The following ZNF469 variants were observed in gnomAD, a reference collection of about 807,000 sequenced individuals.
ZNF469 encodes the protein zinc finger protein 469.
A neutral mutation model predicts 1.0 loss-of-function variants in ZNF469; 1 was observed. The observed-to-expected ratio is 1.00, with a 90% CI of 0.35 to 4.73. The LOEUF is 4.73. Ranked by LOEUF, ZNF469 falls within the 30% of genes most tolerant of loss-of-function variation. The pLI is 0.16. For missense variants in ZNF469, 6,100 were observed against 5,356.3 expected, an observed-to-expected ratio of 1.14 and a Z score of -4.33; for synonymous variants, 2,703 against 2,363.4, an observed-to-expected ratio of 1.14 and a Z score of -4.17.
the ZNF469 span, among the ~76,000 whole-genome samples, chr16:88,289,282 ATGG>A: frequency 1.3e-5 from 2 of 148,572 alleles, no homozygotes; most frequent in African/African-American, 5.1e-5. Context: ...GGTGAGGGTG[ATGG>A]TGATGATGAT....
chr16:88,268,996 G>C, the ZNF469 span, among the ~76,000 whole-genome samples: 2 of 152,102 alleles, frequency 1.3e-5, no homozygotes, highest in African/African-American at 2.4e-5. Context: ...ACGGGCTGCC[G>C]GGAGGAGAGA....
At chr16:88,374,196 C>T in the ZNF469 span, among the ~76,000 whole-genome samples, 576 of 152,248 alleles carry the variant, frequency 3.8e-3, 7 homozygotes, top group African/African-American at 0.013. Context: ...TGTGGCCCAG[C>T]AAGGGAGAGC....
upstream of ZNF469, among the ~76,000 whole-genome samples, chr16:88,381,857 A>G (rs2092526087): frequency 6.6e-6 from 1 of 152,256 alleles, no homozygotes; most frequent in African/African-American, 2.4e-5. Flanking sequence ...CAGGAGGCAG[A>G]CCAGATTGGG....
chr16:88,322,483 T>C, the ZNF469 span, among the ~76,000 whole-genome samples: 1 of 152,164 alleles, frequency 6.6e-6, no homozygotes, highest in African/African-American at 2.4e-5. Flanking sequence ...CCCATGGCAG[T>C]GGGGAGCCAA....
chr16:88,106,658 C>A, the ZNF469 span, among the ~76,000 whole-genome samples: 1 of 152,230 alleles, frequency 6.6e-6, no homozygotes, highest in Non-Finnish European at 1.5e-5. Flanking sequence ...TTTTGCACCA[C>A]GTGAGCCAAG....
chr16:88,106,732 T>C, the ZNF469 span, among the ~76,000 whole-genome samples: 1 of 152,190 alleles, frequency 6.6e-6, no homozygotes. Flanking sequence ...CAGGCTGGGG[T>C]GGGCGTGGAT....
chr16:88,435,836 T>A lies in ZNF469; in HGVS notation c.8366T>A (p.Val2789Asp). ...GCCCACAGCCGATCAGAGGAAGGTGTCTGGGAGGAGAACACGCCCCCCTTG... is the reference window on the plus strand; with the variant it reads ...GCCCACAGCCGATCAGAGGAAGGTGACTGGGAGGAGAACACGCCCCCCTTG... ...SRAHSRSEEG[V>D]WEENTPPLGP... The change falls in exon 3 of 3, where the codon GTC becomes GAC. Residue 2789 changes from valine to aspartate, a missense_variant. Val to Asp is a radical substitution (Grantham distance 152). Coordinates refer to ENST00000565624, the MANE Select transcript of ZNF469 (RefSeq NM_001367624.2). 2 of 1,550,440 alleles carry A rather than the reference T, an allele frequency of 1.3e-6. No individual in the cohort carries two copies. Among genetic ancestry groups the A allele is most frequent in the Non-Finnish European group, 1.7e-6 (2 of 1,146,942 alleles).
rs1470320567 is a variant in ZNF469 at position 88,434,603 on chromosome 16, A to G, written c.7133A>G (p.Glu2378Gly). 6.5e-7 allele frequency: 1 copy of G among 1,550,294 alleles called. No homozygotes were observed. Among genetic ancestry groups the G allele is most frequent in the Non-Finnish European group, 8.7e-7 (1 of 1,146,934 alleles). Residue 2378 changes from glutamate (E) to glycine (G), a missense_variant, in exon 3 of 3, where the codon GAG becomes GGG. By Grantham distance (98) the Glu-to-Gly change is moderately conservative. Transcript: ENST00000565624. ...GEMGTSSKEP[E>G]DPGTPETGRS... The stretch of plus-strand genomic sequence containing the variant: ...ATGGGGACCAGCAGCAAGGAGCCGG[A>G]GGACCCAGGGACCCCTGAGACCGGG...
the ZNF469 span, among the ~76,000 whole-genome samples, chr16:88,212,265 A>C: frequency 3.3e-5 from 5 of 152,276 alleles, no homozygotes; most frequent in South Asian, 1.0e-3. Context: ...GGATCCTTGC[A>C]TAGGTCTTCT....
chr16:88,407,626 T>C (rs772086263), intron 1 of ZNF469, among the ~76,000 whole-genome samples: 23 of 152,216 alleles, frequency 1.5e-4, no homozygotes, highest in Non-Finnish European at 2.9e-4. Context: ...AGGAGAGTCA[T>C]TTGCCCAGAT....
rs1301807412 is a variant in ZNF469 at position 88,435,244 on chromosome 16, C to A, written c.7774C>A (p.Pro2592Thr). Residue 2592 changes from proline (P) to threonine (T), a missense_variant, in exon 3 of 3, where the codon CCC becomes ACC. Coordinates refer to ENST00000565624, the MANE Select transcript of ZNF469 (RefSeq NM_001367624.2). The stretch of plus-strand genomic sequence containing the variant: ...AGATGTGAAGACTCCGGCCTCCAAG[C>A]CCAGACCAGACCAGGCCAGGGAAGA... ...EVDVKTPASK[P>T]RPDQAREDEL... The A allele has an allele frequency of 1.3e-6, 2 of 1,550,242 alleles. No individual in the cohort carries two copies. The highest frequency in any genetic ancestry group is 2.0e-5 in the Admixed American group (1 of 50,980).
the ZNF469 span, among the ~76,000 whole-genome samples, chr16:88,160,005 G>A: frequency 6.6e-6 from 1 of 152,172 alleles, no homozygotes; most frequent in Non-Finnish European, 1.5e-5. Flanking sequence ...GATCACCTCG[G>A]GTAGCTTGTT....
chr16:88,430,561 C>A lies in ZNF469; in HGVS notation c.3091C>A (p.Pro1031Thr), dbSNP rs773036378. 4.1e-6 allele frequency: 6 copies of A among 1,472,468 alleles called. No individual in the cohort carries two copies. In the Admixed American group the frequency reaches 7.1e-5, roughly 17 times the overall value. The allele number at this position is 1,472,468 out of a possible 1,614,324, so 91.2% of individuals were successfully genotyped here. A position where few individuals can be genotyped will look rare whatever the true frequency, so the allele number is the denominator to read the frequency against. The change falls in exon 3 of 3, where the codon CCC (proline) becomes ACC (threonine). Residue 1031 changes from proline (P) to threonine (T), a missense_variant. Transcript: ENST00000565624. ...CCGCAGCTCCCGGCGCCGCCGGCTG[C>A]CCCCCAGGAAGGACCCCAGGAAGAG... ...ETRSSRRRRL[P>T]PRKDPRKRKA...
the ZNF469 span, among the ~76,000 whole-genome samples, chr16:88,275,445 G>A: frequency 2.6e-5 from 4 of 152,186 alleles, no homozygotes; most frequent in African/African-American, 9.6e-5. Context: ...GCTGAGGAAG[G>A]CACCAAGAAT....
At chr16:88,253,310 G>A in the ZNF469 span, among the ~76,000 whole-genome samples, 1 of 152,160 alleles carries the variant, frequency 6.6e-6, no homozygotes. Context: ...GTAACTCCCT[G>A]ACGATCAGTG....
chr16:88,369,174 G>A, the ZNF469 span, among the ~76,000 whole-genome samples: 55 of 151,986 alleles, frequency 3.6e-4, no homozygotes, highest in Admixed American at 7.2e-4. Context: ...TGGTGGCCCT[G>A]CAGGCTTTCC....
rs940316323 is a variant in ZNF469 at position 88,429,364 on chromosome 16, T to C, written c.1894T>C (p.Ser632Pro). 4 of 1,549,478 alleles carry C rather than the reference T, an allele frequency of 2.6e-6. No homozygotes were observed. The highest frequency in any genetic ancestry group is 3.5e-6 in the Non-Finnish European group (4 of 1,146,620). The change falls in exon 3 of 3, where the codon TCG (serine) becomes CCG (proline). Residue 632 changes from serine (S) to proline (P), a missense_variant. Ser to Pro is a moderately conservative substitution (Grantham distance 74). Coordinates refer to ENST00000565624, the MANE Select transcript of ZNF469 (RefSeq NM_001367624.2). Reference sequence around the variant, plus strand: ...CCAGCTCCCCGGCCCCCTCGGGCCCTCGGCCTTCTTCCACCCACCCACTCA... The same window carrying C: ...CCAGCTCCCCGGCCCCCTCGGGCCCCCGGCCTTCTTCCACCCACCCACTCA... ...ESQLPGPLGP[S>P]AFFHPPTHPQ... is the part of the protein sequence containing the mutation.
chr16:88,289,509 C>G, the ZNF469 span, among the ~76,000 whole-genome samples: 1 of 152,150 alleles, frequency 6.6e-6, no homozygotes. Flanking sequence ...AGTGTTTGTT[C>G]TCTGTTAAGT....
chr16:88,302,200 G>A, the ZNF469 span, among the ~76,000 whole-genome samples: 2 of 152,332 alleles, frequency 1.3e-5, no homozygotes, highest in African/African-American at 4.8e-5. Context: ...CTGCAGGGGC[G>A]GTGGTTACCT....
Sources: allele counts gnomAD v4.1 joint callset (sites outside exome capture counted in the v4.1 genomes callset), GRCh38; gene constraint gnomAD v4.1.1; transcripts MANE v1.5; gene names NCBI Gene and HGNC (gene_info 2026-07-23, HGNC 2026-07-21).